Variants in ARID5B observed in about 807,000 individuals in gnomAD.
The protein encoded by ARID5B is AT-rich interactive domain-containing protein 5B.
ARID5B carries 13 observed loss-of-function variants against 97.2 expected under a neutral mutation model. The ratio of observed to expected loss-of-function variants is 0.13; its 90% CI spans 0.09 to 0.21. The LOEUF (loss-of-function observed/expected upper bound fraction) is 0.21. Ranked by LOEUF, ARID5B falls within the 10% of genes least tolerant of loss-of-function variation. The probability of loss-of-function intolerance (pLI) is 1.00; values close to 1 mark genes in which losing one functional copy is unlikely to be tolerated. For missense variants in ARID5B, 1,210 were observed against 1,465.3 expected, an observed-to-expected ratio of 0.83 and a Z score of 2.84; for synonymous variants, 556 against 570.3, an observed-to-expected ratio of 0.97 and a Z score of 0.36.
At chr10:62,070,948 C>CT (rs1434114117) in intron 8 of ARID5B, among the ~76,000 whole-genome samples, 1 of 151,372 alleles carries the variant, frequency 6.6e-6, no homozygotes, top group Non-Finnish European at 1.5e-5. Flanking sequence ...GCACTGATAT[C>CT]TCAGGTGAGT....
At chr10:61,902,064 A>G in intron 1 of ARID5B, 95 bp from the exon 2 acceptor site, 1 of 1,470,654 alleles carries the variant, frequency 6.8e-7, no homozygotes, top group Non-Finnish European at 9.3e-7. Context: ...GTCTGTATTA[A>G]GAGAGTGGAT....
chr10:62,040,408 A>C lies in ARID5B; in HGVS notation c.734-10480A>C, dbSNP rs146710700. 6.6e-5 allele frequency among the ~76,000 whole-genome samples: 10 copies of C among 152,278 alleles called. No individual in the cohort carries two copies. The East Asian group carries it at 1.5e-3, about 23-fold the overall frequency. Reference sequence around the variant, plus strand: ...TAACGTTTTTACATGACTACCCTCCATAACAGTGAATAAAATCTTAAATGT... The same window carrying C: ...TAACGTTTTTACATGACTACCCTCCCTAACAGTGAATAAAATCTTAAATGT... On this transcript the variant is annotated intron_variant, in intron 4 of 9. Coordinates refer to ENST00000279873, the MANE Select transcript of ARID5B (RefSeq NM_032199.3).
chr10:61,922,628 T>C (rs1806771), intron 2 of ARID5B, among the ~76,000 whole-genome samples: 18 of 152,156 alleles, frequency 1.2e-4, no homozygotes, highest in Non-Finnish European at 2.1e-4. Context: ...GTATGTTTCA[T>C]GCACAGTGGT....
intron 4 of ARID5B, among the ~76,000 whole-genome samples, chr10:62,037,682 A>G (rs535583156): frequency 6.6e-6 from 1 of 152,354 alleles, no homozygotes; most frequent in South Asian, 2.1e-4. Context: ...TTAAAGCTAA[A>G]CAAGGGTAAC....
At chr10:62,030,388 C>A (rs1366690747) in intron 4 of ARID5B, among the ~76,000 whole-genome samples, 2 of 152,170 alleles carry the variant, frequency 1.3e-5, no homozygotes, top group African/African-American at 4.8e-5. Flanking sequence ...GCCTCGGCCT[C>A]CCAAAGTGCT....
intron 3 of ARID5B, among the ~76,000 whole-genome samples, chr10:61,984,630 A>G (rs1257323342): frequency 1.3e-5 from 2 of 152,184 alleles, no homozygotes. Context: ...CAATCCTCCA[A>G]TATATCCTCC....
rs374817066 is a variant in ARID5B at position 62,088,485 on chromosome 10, A to G, written c.1399-2377A>G. Among the ~76,000 whole-genome samples, 5 of 152,184 alleles carry G rather than the reference A, an allele frequency of 3.3e-5. No homozygotes were observed. In the East Asian group the frequency reaches 9.6e-4, roughly 29 times the overall value. ...TCAGCTTGGATGATGACCATGCCCA[A>G]GAGTGGAGCCTTACTCCCTGGAGTC... is the stretch of plus-strand genomic sequence containing the variant. On this transcript the variant is annotated intron_variant, in intron 9 of 9. Transcript: ENST00000279873.
At chr10:61,936,934 C>T (rs748009000) in intron 2 of ARID5B, among the ~76,000 whole-genome samples, 5 of 151,850 alleles carry the variant, frequency 3.3e-5, no homozygotes, top group African/African-American at 4.8e-5. Context: ...AAGTAAATTC[C>T]GGGGCTGGAA....
At position 61,902,259 on chromosome 10, in the gene ARID5B, T is replaced by A; in HGVS notation, c.122T>A (p.Phe41Tyr). The A allele has an allele frequency of 6.2e-7, 1 of 1,614,160 alleles. No individual in the cohort carries two copies. Among genetic ancestry groups the A allele is most frequent in the Non-Finnish European group, 8.5e-7 (1 of 1,180,024 alleles). ...GKPRILSLGD[F>Y]FFVRCTPKDP... Reference sequence around the variant, plus strand: ...CCAAGAATTTTGTCCCTTGGCGACTTTTTCTTTGTAAGATGTACGCCAAAG... The same window carrying A: ...CCAAGAATTTTGTCCCTTGGCGACTATTTCTTTGTAAGATGTACGCCAAAG... Residue 41 changes from phenylalanine to tyrosine, a missense_variant, in exon 2 of 10, where the codon TTT (phenylalanine) becomes TAT (tyrosine). This residue lies in a region of ARID5B where 80 missense variants were observed against 133.2 expected (regional missense o/e 0.60). Coordinates refer to ENST00000279873, the MANE Select transcript of ARID5B (RefSeq NM_032199.3).
Position 62,034,577 on chromosome 10 carries a change from C to T in ARID5B, c.734-16311C>T, listed in dbSNP as rs144986518. On this transcript the variant is annotated intron_variant, in intron 4 of 9. Coordinates refer to ENST00000279873, the MANE Select transcript of ARID5B (RefSeq NM_032199.3). ...ATGTGTGTTTCCCTGGTGATTGCAA[C>T]GCTTTATTCTGTGTAAAGTGTGACA... 6.2e-3 allele frequency among the ~76,000 whole-genome samples: 946 copies of T among 152,300 alleles called. 21 individuals are homozygous for T. The highest frequency in any genetic ancestry group is 0.043 in the Admixed American group (651 of 15,296).
rs4373873 is a variant in ARID5B at position 62,079,274 on chromosome 10, C to T, written c.1200-6428C>T. 2.0e-3 allele frequency among the ~76,000 whole-genome samples: 268 copies of T among 132,780 alleles called. 1 individual carries two copies. Among genetic ancestry groups the T allele is most frequent in the Middle Eastern group, 3.9e-3 (1 of 256 alleles). The allele number at this position is 132,780 out of a possible 152,430, so 87.1% of individuals were successfully genotyped here. A position where few individuals can be genotyped will look rare whatever the true frequency, so the allele number is the denominator to read the frequency against. On this transcript the variant is annotated intron_variant, in intron 8 of 9. Transcript: ENST00000279873. ...TAGCAGAGGCAGGCAGTTTGGTGGT[C>T]GAACTCAAAATTTTGACACTAAATA...
intron 4 of ARID5B, chr10:62,046,525 A>T (rs1313977973): frequency 1.3e-5 from 2 of 152,228 alleles, no homozygotes; most frequent in African/African-American, 2.4e-5. Context: ...AAAAGAAAAA[A>T]CAAACATGGG....
chr10:62,032,586 G>C (rs1309621665), intron 4 of ARID5B, among the ~76,000 whole-genome samples: 1 of 151,946 alleles, frequency 6.6e-6, no homozygotes, highest in African/African-American at 2.4e-5. Context: ...GTGGTGATGG[G>C]CGCCTGTAAT....
intron 2 of ARID5B, 99 bp from the exon 3 acceptor site, chr10:61,940,084 C>A (rs1844373025): frequency 9.4e-7 from 1 of 1,068,774 alleles, no homozygotes; most frequent in East Asian, 2.4e-5. Flanking sequence ...TTAGGTTAAA[C>A]CACTCACATG....
At chr10:62,076,270 T>A (rs1001825112) in intron 8 of ARID5B, among the ~76,000 whole-genome samples, 3 of 152,194 alleles carry the variant, frequency 2.0e-5, no homozygotes, top group Non-Finnish European at 1.5e-5. Flanking sequence ...GTGGGCATGG[T>A]GGCTCACGCC....
intron 3 of ARID5B, among the ~76,000 whole-genome samples, chr10:61,968,209 CACACAA>C (rs1013919334): frequency 1.4e-4 from 21 of 149,282 alleles, no homozygotes; most frequent in African/African-American, 4.7e-4. Context: ...CACACACACA[CACACAA>C]ACACAGTTTC....
Position 62,000,328 on chromosome 10 carries a change from C to T in ARID5B, c.733+7C>T. ...AGTATATGCGATGAGTTTGGTGAGT[C>T]TTTTTTTTTTTTTCCTACCTGATTC... On this transcript the variant is annotated splice_region_variant and intron_variant, in intron 4 of 9. Coordinates refer to ENST00000279873, the MANE Select transcript of ARID5B (RefSeq NM_032199.3). This position sits in a 1 kb window ranked among gnomAD's most constrained non-coding sequence, Gnocchi z 4.4. 48 of 1,348,588 alleles carry T rather than the reference C, an allele frequency of 3.6e-5. No individual in the cohort carries two copies. Among genetic ancestry groups the T allele is most frequent in the Middle Eastern group, 2.1e-4 (1 of 4,802 alleles). The allele number at this position is 1,348,588 out of a possible 1,614,324, so 83.5% of individuals were successfully genotyped here.
chr10:61,955,079 G>A (rs558350453), intron 3 of ARID5B, among the ~76,000 whole-genome samples: 15 of 151,866 alleles, frequency 9.9e-5, no homozygotes, highest in African/African-American at 3.4e-4. Flanking sequence ...TTATGAGTAA[G>A]AATTTTCAAG....
In ARID5B at chr10:61,979,383, C is replaced by T. The variant is rs60340971; in HGVS notation, c.503-20708C>T. Among the ~76,000 whole-genome samples, 339 of 152,216 alleles carry T rather than the reference C, an allele frequency of 2.2e-3. 1 individual carries two copies. The highest frequency in any genetic ancestry group is 7.8e-3 in the African/African-American group (326 of 41,530). On this transcript the variant is annotated intron_variant, in intron 3 of 9. Coordinates refer to ENST00000279873, the MANE Select transcript of ARID5B (RefSeq NM_032199.3). ...AATCTTGTTTTTGTTTTTTAAATTC[C>T]GTGTTCCTGGTGAGCCATGTAGATC...
Sources: allele counts gnomAD v4.1 joint callset (sites outside exome capture counted in the v4.1 genomes callset), GRCh38; gene constraint gnomAD v4.1.1; regional missense constraint gnomAD v4.1.1; non-coding constraint Gnocchi (gnomAD v3.1); transcripts MANE v1.5; gene names NCBI Gene and HGNC (gene_info 2026-07-23, HGNC 2026-07-21).